Variants in PCDHGA3 observed in about 807,000 individuals in gnomAD.
PCDHGA3 encodes the protein protocadherin gamma-A3.
A neutral mutation model predicts 58.5 loss-of-function variants in PCDHGA3; 40 were observed. That is an observed-to-expected ratio of 0.68 (90% confidence interval 0.53 to 0.89). The LOEUF is 0.89. Ranked by LOEUF, PCDHGA3 falls within the 40% of genes least tolerant of loss-of-function variation. The pLI is 0.00. For synonymous variants in PCDHGA3, 530 were observed against 525.7 expected (o/e 1.01, Z -0.11); for missense variants, 1,223 against 1,195.9 (o/e 1.02, Z -0.33).
At chr5:141,479,048 C>A (rs1253895615) in intron 1 of PCDHGA3, among the ~76,000 whole-genome samples, 1 of 152,150 alleles carries the variant, frequency 6.6e-6, no homozygotes, top group Admixed American at 6.5e-5. Flanking sequence ...GTACCTCATT[C>A]TCAGATAATT....
rs1361609314 is a variant in PCDHGA3 at position 141,423,642 on chromosome 5, TGACCC to T, written c.2425-71161_2425-71157del. 6 of 1,596,888 alleles carry T rather than the reference TGACCC, an allele frequency of 3.8e-6. No individual in the cohort carries two copies. In the South Asian group the frequency reaches 5.7e-5, roughly 15 times the overall value. ...ACTCAGCTATCATTTTAGGCAAATGTGACCCGACAAGTAATCAGGTGAGATTTATT... is the reference window on the plus strand; with the variant it reads ...ACTCAGCTATCATTTTAGGCAAATGTGACAAGTAATCAGGTGAGATTTATT... On this transcript the variant is annotated intron_variant, in intron 1 of 3. Transcript: ENST00000253812.
intron 1 of PCDHGA3, among the ~76,000 whole-genome samples, chr5:141,453,360 C>T (rs966238012): frequency 6.6e-6 from 1 of 152,000 alleles, no homozygotes; most frequent in Non-Finnish European, 1.5e-5. Context: ...CCCTGAACTC[C>T]TGGGGTCAAG....
chr5:141,441,672 GCCTTCGA>G (rs1327551430), intron 1 of PCDHGA3: 1 of 290,468 alleles, frequency 3.4e-6, no homozygotes, highest in Non-Finnish European at 6.8e-6. Flanking sequence ...CGCACAGTGC[GCCTTCGA>G]CCAAGAGCAG....
intron 2 of PCDHGA3, among the ~76,000 whole-genome samples, chr5:141,501,026 G>A (rs1053442173): frequency 7.9e-5 from 12 of 151,608 alleles, no homozygotes; most frequent in Non-Finnish European, 1.5e-4. Flanking sequence ...GCGCCACCAC[G>A]CCCAGCTAAT....
intron 1 of PCDHGA3, among the ~76,000 whole-genome samples, chr5:141,425,040 A>G (rs2096853898): frequency 6.6e-6 from 1 of 152,182 alleles, no homozygotes; most frequent in South Asian, 2.1e-4. Flanking sequence ...TTAGTTGTAA[A>G]CTGACTATCT....
intron 1 of PCDHGA3, chr5:141,365,091 A>G: frequency 6.2e-7 from 1 of 1,613,870 alleles, no homozygotes. Context: ...GTTCCAGAGA[A>G]CATACCTGTG....
Position 141,486,563 on chromosome 5 carries a change from G to T in PCDHGA3, c.2425-8244G>T, listed in dbSNP as rs558244990. Reference sequence around the variant, plus strand: ...CTTTCAGAGGTCACATGAGGTGTTTGTTCCTGAGAACAATCGCCCAGGGGA... The same window carrying T: ...CTTTCAGAGGTCACATGAGGTGTTTTTTCCTGAGAACAATCGCCCAGGGGA... On this transcript the variant is annotated intron_variant, in intron 1 of 3. Transcript: ENST00000253812. The surrounding 1 kb of genome is among the most constrained non-coding windows in gnomAD (Gnocchi z 5.0). The T allele has an allele frequency of 4.3e-6, 7 of 1,614,006 alleles. No individual in the cohort carries two copies. The highest frequency in any genetic ancestry group is 4.0e-5 in the African/African-American group (3 of 75,054).
At chr5:141,399,256 G>T in intron 1 of PCDHGA3, 3 of 1,613,964 alleles carry the variant, frequency 1.9e-6, no homozygotes, top group Non-Finnish European at 2.5e-6. Flanking sequence ...GGAAAATGGG[G>T]AGGTTAATTG....
intron 1 of PCDHGA3, chr5:141,402,820 C>T: frequency 1.6e-6 from 2 of 1,288,164 alleles, no homozygotes; most frequent in Admixed American, 3.0e-5. Context: ...CACAAACCTG[C>T]TCCCAGGCTG....
intron 1 of PCDHGA3, among the ~76,000 whole-genome samples, chr5:141,472,718 G>A (rs980710833): frequency 1.3e-5 from 2 of 152,002 alleles, no homozygotes; most frequent in Non-Finnish European, 2.9e-5. Context: ...AGGCGCTGTG[G>A]CTCACACCTG....
chr5:141,409,178 G>C, intron 1 of PCDHGA3: 1 of 1,613,994 alleles, frequency 6.2e-7, no homozygotes, highest in Non-Finnish European at 8.5e-7. Context: ...GGACGGAGGT[G>C]GTCTCTCTAC....
chr5:141,352,170 G>A (rs1446316732), intron 1 of PCDHGA3: 4 of 1,613,280 alleles, frequency 2.5e-6, no homozygotes, highest in Non-Finnish European at 2.5e-6. Flanking sequence ...GCCCGCCAGC[G>A]CCTGCTGGTC....
At chr5:141,410,839 T>G in intron 1 of PCDHGA3, 2 of 481,442 alleles carry the variant, frequency 4.2e-6, no homozygotes, top group Non-Finnish European at 6.8e-6. Context: ...TGAAGATATT[T>G]TGTCTTTGTC....
chr5:141,345,594 G>C lies in PCDHGA3; in HGVS notation c.1561G>C (p.Asp521His). 1 of 1,614,112 alleles carries C rather than the reference G, an allele frequency of 6.2e-7. No homozygotes were observed. Among genetic ancestry groups the C allele is most frequent in the Middle Eastern group, 1.6e-4 (1 of 6,062 alleles). Reference protein sequence around the residue: ...TGVLYALRSFDYEQFRDLKLL... With the variant: ...TGVLYALRSFHYEQFRDLKLL... ...CGTCCTATACGCGCTGAGATCCTTCGACTACGAGCAATTTAGAGACTTAAA... is the reference window on the plus strand; with the variant it reads ...CGTCCTATACGCGCTGAGATCCTTCCACTACGAGCAATTTAGAGACTTAAA... Residue 521 changes from aspartate (D) to histidine (H), a missense_variant, in exon 1 of 4, where the codon GAC (aspartate) becomes CAC (histidine). Around this residue, in one of 3 missense-constraint regions of PCDHGA3, gnomAD observed 791 missense variants for 708.5 expected, o/e 1.12. Coordinates refer to ENST00000253812, the MANE Select transcript of PCDHGA3 (RefSeq NM_018916.4).
chr5:141,462,652 A>T (rs201168659), intron 1 of PCDHGA3, among the ~76,000 whole-genome samples: 1 of 80,348 alleles, frequency 1.2e-5, no homozygotes, highest in African/African-American at 7.4e-5. Flanking sequence ...TTCCATCCTC[A>T]ATTATCTTCA....
rs769104650 is a variant in PCDHGA3, at chr5:141,345,248, G to A, written c.1215G>A (p.Val405=). The A allele has an allele frequency of 1.2e-6, 2 of 1,613,948 alleles. No individual in the cohort carries two copies. The highest frequency in any genetic ancestry group is 8.5e-7 in the Non-Finnish European group (1 of 1,179,892). The change falls in exon 1 of 4, where the codon GTG becomes GTA. Residue 405 remains valine (V), a synonymous_variant. Coordinates refer to ENST00000253812, the MANE Select transcript of PCDHGA3 (RefSeq NM_018916.4). ...CAATAGATCAATATTACCGCTTAGT[G>A]ACGGCCACATCCCTGGACCGCGAAC... ...EKSIDQYYRL[V]TATSLDREQI...
chr5:141,378,114 A>C (rs1024564517), intron 1 of PCDHGA3: 2 of 152,284 alleles, frequency 1.3e-5, no homozygotes, highest in Non-Finnish European at 2.9e-5. Context: ...CAGCATAGTG[A>C]ACACGTATTT....
intron 2 of PCDHGA3, among the ~76,000 whole-genome samples, chr5:141,500,948 A>G (rs1055841985): frequency 1.8e-4 from 28 of 151,592 alleles, no homozygotes; most frequent in Non-Finnish European, 4.4e-5. Context: ...GGCTCACTGC[A>G]AGCTCCACCT....
chr5:141,378,077 T>A (rs955421264), intron 1 of PCDHGA3: 1 of 152,136 alleles, frequency 6.6e-6, no homozygotes, highest in Non-Finnish European at 1.5e-5. Flanking sequence ...AGAAAATAAT[T>A]TTATAACTTT....
Sources: allele counts gnomAD v4.1 joint callset (sites outside exome capture counted in the v4.1 genomes callset), GRCh38; gene constraint gnomAD v4.1.1; regional missense constraint gnomAD v4.1.1; non-coding constraint Gnocchi (gnomAD v3.1); transcripts MANE v1.5; gene names NCBI Gene and HGNC (gene_info 2026-07-23, HGNC 2026-07-21).